Variants in RAD51B observed in about 807,000 individuals in gnomAD.
RAD51B encodes the protein DNA repair protein RAD51 homolog 2.
In RAD51B, 38 loss-of-function variants were observed where a neutral mutation model predicts 42.2. That is an observed-to-expected ratio of 0.90 (90% CI 0.70 to 1.18). The LOEUF (loss-of-function observed/expected upper bound fraction) is 1.18. RAD51B is among the 50% of genes most tolerant of loss of function. RAD51B has a pLI of 0.00. For missense variants in RAD51B, 373 were observed against 400.7 expected (o/e 0.93, Z 0.59); for synonymous variants, 154 against 145.2 (o/e 1.06, Z -0.43).
chr14:68,124,408 C>T (rs181317322), intron 7 of RAD51B, among the ~76,000 whole-genome samples: 201 of 152,228 alleles, frequency 1.3e-3, no homozygotes, highest in Non-Finnish European at 2.0e-3. Flanking sequence ...TTCTAGCAGC[C>T]GTACACACGA....
chr14:68,035,146 A>G (rs1244672348), intron 7 of RAD51B, among the ~76,000 whole-genome samples: 1 of 152,126 alleles, frequency 6.6e-6, no homozygotes, highest in African/African-American at 2.4e-5. Flanking sequence ...ATTTCTGTGG[A>G]TTATACTCAT....
At chr14:68,417,468 A>C (rs955034161) in intron 9 of RAD51B, among the ~76,000 whole-genome samples, 1 of 152,182 alleles carries the variant, frequency 6.6e-6, no homozygotes, top group Non-Finnish European at 1.5e-5. Flanking sequence ...CCCTGCCCAC[A>C]CTCTTGCAAC....
rs553613386 is a variant in RAD51B at position 67,975,951 on chromosome 14, A to G, written c.756+88747A>G. Among the ~76,000 whole-genome samples, 161 of 152,172 alleles carry G rather than the reference A, an allele frequency of 1.1e-3. 1 individual carries two copies. Among genetic ancestry groups the G allele is most frequent in the Non-Finnish European group, 4.4e-4 (30 of 67,980 alleles). On this transcript the variant is annotated intron_variant, in intron 7 of 10. Coordinates refer to ENST00000471583, the MANE Select transcript of RAD51B (RefSeq NM_133510.4). ...ACTTTCTTACCTTTATTAATGCTTT[A>G]TTCCCTCATCTGTAATGCTTATATT...
At chr14:68,020,831 A>G (rs1167715860) in intron 7 of RAD51B, among the ~76,000 whole-genome samples, 1 of 152,316 alleles carries the variant, frequency 6.6e-6, no homozygotes, top group South Asian at 2.1e-4. Context: ...TTATTTTCTA[A>G]TCTGCTTTTT....
Position 67,887,156 on chromosome 14 carries a change from A to G in RAD51B, c.708A>G (p.Ala236=), listed in dbSNP as rs751395885. The G allele has an allele frequency of 1.2e-6, 2 of 1,612,420 alleles. No homozygotes were observed. Among genetic ancestry groups the G allele is most frequent in the East Asian group, 2.2e-5 (1 of 44,784 alleles). Residue 236 remains alanine, a synonymous_variant, in exon 7 of 11, where the codon GCA becomes GCG. Transcript: ENST00000471583. ...GNLKERNKFL[A]REASSLKYLA... is the part of the protein sequence containing the mutation. The stretch of plus-strand genomic sequence containing the variant: ...TCAAAGAAAGAAACAAGTTCTTGGC[A>G]AGAGAGGCATCCTCCTTGAAGTATT...
chr14:68,102,094 C>T (rs532375267), intron 7 of RAD51B, among the ~76,000 whole-genome samples: 11 of 152,268 alleles, frequency 7.2e-5, no homozygotes, highest in South Asian at 4.1e-4. Context: ...ATGGCTGGAA[C>T]GAAGCAGCTG....
intron 10 of RAD51B, among the ~76,000 whole-genome samples, chr14:68,486,983 T>G (rs763094720): frequency 2.6e-5 from 4 of 152,184 alleles, no homozygotes; most frequent in Non-Finnish European, 5.9e-5. Context: ...ACACCTTCTC[T>G]TAGTACGTAT....
intron 7 of RAD51B, among the ~76,000 whole-genome samples, chr14:67,995,407 C>T (rs2075363980): frequency 6.6e-6 from 1 of 151,784 alleles, no homozygotes; most frequent in Non-Finnish European, 1.5e-5. Flanking sequence ...ACAACAACAA[C>T]AACAACAACA....
At chr14:67,856,097 T>C (rs2041990861) in intron 4 of RAD51B, among the ~76,000 whole-genome samples, 2 of 152,236 alleles carry the variant, frequency 1.3e-5, no homozygotes, top group Admixed American at 1.3e-4. Flanking sequence ...TATCCCTTAA[T>C]ACTGTTTGAT....
intron 8 of RAD51B, among the ~76,000 whole-genome samples, chr14:68,350,846 C>A (rs750577181): frequency 3.3e-5 from 5 of 152,156 alleles, no homozygotes; most frequent in Admixed American, 1.3e-4. Context: ...GTAGAAATTA[C>A]ATCTGTTTGA....
intron 10 of RAD51B, among the ~76,000 whole-genome samples, chr14:68,639,757 G>A (rs1892416716): frequency 6.6e-6 from 1 of 152,090 alleles, no homozygotes; most frequent in Non-Finnish European, 1.5e-5. Flanking sequence ...GGCAGAGCCA[G>A]GGTTTTGTTT....
At chr14:68,322,833 G>A (rs1468677633) in intron 8 of RAD51B, among the ~76,000 whole-genome samples, 1 of 152,168 alleles carries the variant, frequency 6.6e-6, no homozygotes, top group Admixed American at 6.5e-5. Flanking sequence ...TTGACTGTGA[G>A]GTGAAAGGAG....
At chr14:68,067,872 C>T (rs902125556) in intron 7 of RAD51B, among the ~76,000 whole-genome samples, 2 of 122,652 alleles carry the variant, frequency 1.6e-5, no homozygotes, top group South Asian at 2.8e-4. Flanking sequence ...GCAGAGGTTG[C>T]GGTGAGTCAT....
chr14:68,177,755 G>C (rs1232062346), intron 7 of RAD51B, among the ~76,000 whole-genome samples: 1 of 151,950 alleles, frequency 6.6e-6, no homozygotes, highest in Non-Finnish European at 1.5e-5. Context: ...TAACTCTCCA[G>C]CCGAGATGTT....
chr14:67,858,166 G>A (rs746119750), intron 4 of RAD51B: 1 of 152,318 alleles, frequency 6.6e-6, no homozygotes, highest in African/African-American at 2.4e-5. Flanking sequence ...CCCTTACCTC[G>A]TTATGTGGGG....
At chr14:68,322,933 G>T (rs2082182641) in intron 8 of RAD51B, among the ~76,000 whole-genome samples, 2 of 152,178 alleles carry the variant, frequency 1.3e-5, no homozygotes, top group Admixed American at 1.3e-4. Flanking sequence ...TGGTTAAAAA[G>T]GGACAGTTAG....
chr14:68,456,411 C>T (rs1176895379), intron 9 of RAD51B, among the ~76,000 whole-genome samples: 2 of 151,884 alleles, frequency 1.3e-5, no homozygotes, highest in Non-Finnish European at 2.9e-5. Flanking sequence ...GTCATGCAAA[C>T]AGTAAAGAAA....
Position 68,516,023 on chromosome 14 carries a change from G to T in RAD51B, c.1036+47773G>T, listed in dbSNP as rs1886129107. 2.0e-5 allele frequency among the ~76,000 whole-genome samples: 3 copies of T among 151,960 alleles called. No homozygotes were observed. The South Asian group carries it at 6.2e-4, about 31-fold the overall frequency. On this transcript the variant is annotated intron_variant, in intron 10 of 10. Transcript: ENST00000487270. Reference sequence around the variant, plus strand: ...GATGGTCTCGATCTCCTGACCTTGTGGTCCGCCCACCTCGGCCTCCCAAAG... The same window carrying T: ...GATGGTCTCGATCTCCTGACCTTGTTGTCCGCCCACCTCGGCCTCCCAAAG...
chr14:68,056,064 A>G (rs1259324029), intron 7 of RAD51B, among the ~76,000 whole-genome samples: 1 of 152,206 alleles, frequency 6.6e-6, no homozygotes, highest in Non-Finnish European at 1.5e-5. Flanking sequence ...TTTTGCACAG[A>G]TAATGGTACA....
Sources: allele counts gnomAD v4.1 joint callset (sites outside exome capture counted in the v4.1 genomes callset), GRCh38; gene constraint gnomAD v4.1.1; transcripts MANE v1.5; gene names NCBI Gene and HGNC (gene_info 2026-07-23, HGNC 2026-07-21).